Variants in ASH1L observed in about 807,000 individuals in gnomAD.
The protein encoded by ASH1L is ASH1 like histone lysine methyltransferase, also known as histone-lysine N-methyltransferase ASH1L.
ASH1L carries 23 observed loss-of-function variants against 269.0 expected under a neutral mutation model. The ratio of observed to expected loss-of-function variants is 0.09; its 90% confidence interval spans 0.06 to 0.12. ASH1L has a LOEUF of 0.12. ASH1L is among the 10% of genes least tolerant of loss of function. The pLI is 1.00. For synonymous variants in ASH1L, 1,187 were observed against 1,253.5 expected (o/e 0.95, Z 1.12); for missense variants, 2,912 against 3,567.8 (o/e 0.82, Z 4.68).
At chr1:155,353,692 A>C (rs1004095322) in intron 16 of ASH1L, among the ~76,000 whole-genome samples, 1 of 152,164 alleles carries the variant, frequency 6.6e-6, no homozygotes, top group African/African-American at 2.4e-5. Flanking sequence ...TGAGAAAAAA[A>C]GGTCTTCAAA....
rs1403511428 is a variant in ASH1L, at chr1:155,343,426, T to C, written c.8181A>G (p.Pro2727=). 6.2e-7 allele frequency: 1 copy of C among 1,614,152 alleles called. No individual in the cohort carries two copies. The highest frequency in any genetic ancestry group is 1.1e-5 in the South Asian group (1 of 91,082). Residue 2727 remains proline (P), a synonymous_variant, in exon 24 of 28, where the codon CCA becomes CCG. Transcript: ENST00000392403. The surrounding 1 kb of genome is among the most constrained non-coding windows in gnomAD (Gnocchi z 6.1). ...GTTCATTATGATAGAACCGACGGGA[T>C]GGAGAGTGGTGTGTTTCGTGGGGAC... is the stretch of plus-strand genomic sequence containing the variant. ...YFRPHETHHS[P]SRRFYHNELF...
intron 4 of ASH1L, among the ~76,000 whole-genome samples, chr1:155,452,371 A>G (rs893164112): frequency 1.4e-4 from 21 of 152,010 alleles, no homozygotes; most frequent in African/African-American, 3.9e-4. Flanking sequence ...TTTTGCCACA[A>G]TTAAAAAAAA....
chr1:155,471,834 A>G (rs1276611979), intron 3 of ASH1L, among the ~76,000 whole-genome samples: 1 of 152,254 alleles, frequency 6.6e-6, no homozygotes, highest in Non-Finnish European at 1.5e-5. Flanking sequence ...TGGCATCTGC[A>G]GTCTCATGAT....
chr1:155,476,672 C>T (rs2148715046), intron 3 of ASH1L, among the ~76,000 whole-genome samples: 1 of 151,782 alleles, frequency 6.6e-6, no homozygotes, highest in South Asian at 2.1e-4. Context: ...CTGCCTCAGC[C>T]TCCCGAGTAG....
intron 4 of ASH1L, among the ~76,000 whole-genome samples, chr1:155,452,324 C>T (rs1405309402): frequency 2.6e-5 from 4 of 152,072 alleles, no homozygotes; most frequent in South Asian, 2.1e-4. Context: ...CAGGCGTGAC[C>T]GACTGCGTCC....
Position 155,561,982 on chromosome 1 carries a change from G to A in ASH1L, c.-100+171C>T, listed in dbSNP as rs918148540. 14 of 560,920 alleles carry A rather than the reference G, an allele frequency of 2.5e-5. No homozygotes were observed. In the East Asian group the frequency reaches 2.9e-4, roughly 12 times the overall value. The allele number at this position is 560,920 out of a possible 1,614,324, so 34.7% of individuals were successfully genotyped here. On this transcript the variant is annotated intron_variant, in intron 1 of 27. Transcript: ENST00000392403. ...GGACACCCCTTCACCCCGCCTGGAG[G>A]GACTTCCCGGTAGGCTCAGGATCCC... is the stretch of plus-strand genomic sequence containing the variant.
intron 5 of ASH1L, among the ~76,000 whole-genome samples, chr1:155,437,137 G>A (rs1037419470): frequency 2.6e-5 from 4 of 152,136 alleles, no homozygotes; most frequent in African/African-American, 7.2e-5. Flanking sequence ...AATTTTGTAC[G>A]TCAAAAGACA....
intron 7 of ASH1L, among the ~76,000 whole-genome samples, chr1:155,384,736 C>T (rs991757427): frequency 1.3e-5 from 2 of 152,040 alleles, no homozygotes; most frequent in Admixed American, 6.6e-5. Flanking sequence ...TTATGTGTCT[C>T]GGCATATATT....
At chr1:155,523,899 A>G (rs2148849926) in intron 1 of ASH1L, among the ~76,000 whole-genome samples, 1 of 152,308 alleles carries the variant, frequency 6.6e-6, no homozygotes, top group Middle Eastern at 3.4e-3. Flanking sequence ...TAGTAGGAGC[A>G]GCAGCAGTGT....
Position 155,557,266 on chromosome 1 carries a change from A to AT in ASH1L, c.-100+4886dup, listed in dbSNP as rs1174906452. On this transcript the variant is annotated intron_variant, in intron 1 of 27. Coordinates refer to ENST00000392403, the MANE Select transcript of ASH1L (RefSeq NM_018489.3). ...ATCACTAGAAGTCATTATTTTATTT[A>AT]TTTATTTTTTTTTTGAGACAGAGTC... Among the ~76,000 whole-genome samples the AT allele has an allele frequency of 1.6e-3, 248 of 151,404 alleles. 1 individual carries two copies. Among genetic ancestry groups the AT allele is most frequent in the African/African-American group, 5.9e-3 (241 of 41,054 alleles).
intron 5 of ASH1L, among the ~76,000 whole-genome samples, chr1:155,419,089 G>A (rs1331003089): frequency 6.7e-6 from 1 of 150,112 alleles, no homozygotes; most frequent in South Asian, 2.1e-4. Context: ...AAAAGCAGCA[G>A]CTAAAGAGAA....
intron 6 of ASH1L, among the ~76,000 whole-genome samples, chr1:155,410,312 A>G (rs1487772996): frequency 6.6e-6 from 1 of 151,588 alleles, no homozygotes; most frequent in Non-Finnish European, 1.5e-5. Flanking sequence ...TTATTTACTT[A>G]TTTATTTCTG....
chr1:155,410,173 C>G (rs553799741), intron 6 of ASH1L, among the ~76,000 whole-genome samples: 5 of 152,072 alleles, frequency 3.3e-5, no homozygotes, highest in African/African-American at 1.2e-4. Context: ...GTCACTTAGG[C>G]TGGAATGTAA....
At chr1:155,439,211 T>C (rs1571219401) in intron 4 of ASH1L, 143 bp from the exon 5 acceptor site, 2 of 917,594 alleles carry the variant, frequency 2.2e-6, no homozygotes, top group East Asian at 5.7e-5. Context: ...TTTACTTTCC[T>C]GAAAAAGGTT....
In ASH1L at chr1:155,336,371, AT is replaced by A. The variant is rs1337848426; in HGVS notation, c.*1288del. 6.7e-6 allele frequency: 1 copy of A among 149,584 alleles called. No individual in the cohort carries two copies. Among genetic ancestry groups the A allele is most frequent in the African/African-American group, 2.5e-5 (1 of 40,490 alleles). 9.3% of individuals were successfully genotyped at this position (149,584 alleles called of 1,614,324 possible). ...TGTGTGTATATATATACACACACACATATATATATACACACACATACACACA... is the reference window on the plus strand; with the variant it reads ...TGTGTGTATATATATACACACACACAATATATATACACACACATACACACA... On this transcript the variant is annotated 3_prime_UTR_variant, in exon 28 of 28. Coordinates refer to ENST00000392403, the MANE Select transcript of ASH1L (RefSeq NM_018489.3).
At chr1:155,533,514 C>A (rs1669830103) in intron 1 of ASH1L, among the ~76,000 whole-genome samples, 1 of 151,302 alleles carries the variant, frequency 6.6e-6, no homozygotes, top group African/African-American at 2.4e-5. Context: ...GAGTTTGAGA[C>A]CAGCATGGCC....
intron 15 of ASH1L, among the ~76,000 whole-genome samples, chr1:155,355,651 C>A (rs1357369238): frequency 6.6e-6 from 1 of 152,114 alleles, no homozygotes; most frequent in Admixed American, 6.6e-5. Flanking sequence ...TTCAAAGTTC[C>A]CCATGCTAAT....
chr1:155,408,560 A>G (rs1659502388), intron 6 of ASH1L, among the ~76,000 whole-genome samples: 1 of 152,298 alleles, frequency 6.6e-6, no homozygotes, highest in South Asian at 2.1e-4. Context: ...AACCAAAACA[A>G]AAAACTAAAT....
chr1:155,523,060 T>A (rs1205607973), intron 1 of ASH1L, among the ~76,000 whole-genome samples: 2 of 152,142 alleles, frequency 1.3e-5, no homozygotes, highest in Non-Finnish European at 2.9e-5. Context: ...GACAGACTAG[T>A]CTTCATGTCA....
Sources: gnomAD v4.1 joint callset for allele counts (sites outside exome capture counted in the v4.1 genomes callset) on GRCh38, gnomAD v4.1.1 for gene constraint, Gnocchi (gnomAD v3.1) non-coding constraint, MANE v1.5 for transcripts, NCBI Gene and HGNC (gene_info 2026-07-23, HGNC 2026-07-21) for gene names.